Variants in GRB10 observed in about 807,000 individuals in gnomAD.
The protein encoded by GRB10 is growth factor receptor bound protein 10, also known as growth factor receptor-bound protein 10.
A neutral mutation model predicts 80.9 loss-of-function variants in GRB10; 20 were observed. The ratio of observed to expected loss-of-function variants is 0.25; its 90% CI spans 0.17 to 0.36. The LOEUF (loss-of-function observed/expected upper bound fraction) is 0.36. GRB10 is among the 10% of genes least tolerant of loss of function. The pLI, the probability that GRB10 is intolerant of heterozygous loss-of-function variation, is 1.00. For synonymous variants in GRB10, 291 were observed against 291.5 expected (o/e 1.00, Z 0.02); for missense variants, 548 against 747.7 (o/e 0.73, Z 3.12).
At chr7:50,743,506 T>C (rs2072278716) in intron 3 of GRB10, among the ~76,000 whole-genome samples, 1 of 152,208 alleles carries the variant, frequency 6.6e-6, no homozygotes, top group Non-Finnish European at 1.5e-5. Context: ...GTGGGAAGCA[T>C]CAAGTCCCCT....
chr7:50,696,355 C>CAG (rs2153662518), intron 5 of GRB10, among the ~76,000 whole-genome samples: 1 of 152,338 alleles, frequency 6.6e-6, no homozygotes, highest in Admixed American at 6.5e-5. Flanking sequence ...CTGTGCTTTA[C>CAG]AGACGCCTCT....
At chr7:50,791,723 G>A (rs2078923182) in intron 1 of GRB10, among the ~76,000 whole-genome samples, 1 of 152,168 alleles carries the variant, frequency 6.6e-6, no homozygotes, top group Non-Finnish European at 1.5e-5. Context: ...TGTAATCTGG[G>A]GATTGGCCTG....
chr7:50,783,391 G>C (rs1470420176), upstream of GRB10, among the ~76,000 whole-genome samples: 1 of 151,706 alleles, frequency 6.6e-6, no homozygotes, highest in Non-Finnish European at 1.5e-5. Flanking sequence ...CCAAGCATCT[G>C]CTATGTGCTA....
chr7:50,612,743 T>G lies in GRB10; in HGVS notation c.1192A>C (p.Lys398Gln). ...ACAAACCGCAAGATGTCACATACCT[T>G]GAGGAGTCTGAACGCTGTCATCCAG... Reference protein sequence around the residue: ...TCWMTAFRLLKYGMLLYQNYR... With the variant: ...TCWMTAFRLLQYGMLLYQNYR... The change falls in exon 13 of 19, where the codon AAG becomes CAG. Residue 398 changes from lysine (K) to glutamine (Q), a missense_variant and splice_region_variant. Lys to Gln is a moderately conservative substitution (Grantham distance 53, BLOSUM62 1). Transcript: ENST00000401949. 6.2e-7 allele frequency: 1 copy of G among 1,610,508 alleles called. No homozygotes were observed. Among genetic ancestry groups the G allele is most frequent in the Non-Finnish European group, 8.5e-7 (1 of 1,177,106 alleles).
chr7:50,741,952 T>C (rs1328097225), intron 3 of GRB10, among the ~76,000 whole-genome samples: 2 of 152,026 alleles, frequency 1.3e-5, no homozygotes, highest in Non-Finnish European at 2.9e-5. Context: ...CACACAGTAA[T>C]TTTTATGCAC....
At chr7:50,621,209 T>C (rs2051662554) in intron 8 of GRB10, among the ~76,000 whole-genome samples, 1 of 152,134 alleles carries the variant, frequency 6.6e-6, no homozygotes, top group Non-Finnish European at 1.5e-5. Context: ...GGAAAGATCA[T>C]GGGAAAGTTG....
At chr7:50,702,733 G>C (rs1277689565) in intron 5 of GRB10, among the ~76,000 whole-genome samples, 1 of 152,170 alleles carries the variant, frequency 6.6e-6, no homozygotes, top group Non-Finnish European at 1.5e-5. Context: ...CACGTTCTGT[G>C]CTGCAAATGT....
intron 3 of GRB10, among the ~76,000 whole-genome samples, chr7:50,742,472 G>A (rs771039354): frequency 2.0e-5 from 3 of 152,140 alleles, no homozygotes; most frequent in Non-Finnish European, 4.4e-5. Flanking sequence ...TCAAATGATG[G>A]TCCCCGGACA....
Position 50,755,931 on chromosome 7 carries a change from C to T in GRB10, c.-91G>A. On this transcript the variant is annotated 5_prime_UTR_variant, in exon 3 of 19. Transcript: ENST00000401949. ...TAGCACTGTCTGCTGGGGCGGCCAC[C>T]CTGGCTTCACTGAGAGGACCCAGGT... The T allele has an allele frequency of 2.5e-6, 1 of 398,734 alleles. No homozygotes were observed. Among genetic ancestry groups the T allele is most frequent in the Non-Finnish European group, 4.4e-6 (1 of 226,204 alleles). The allele number at this position is 398,734 out of a possible 1,614,324, so 24.7% of individuals were successfully genotyped here. A position where few individuals can be genotyped will look rare whatever the true frequency, so the allele number is the denominator to read the frequency against.
At chr7:50,607,247 CTTTG>C (rs917504546) in intron 13 of GRB10, among the ~76,000 whole-genome samples, 2 of 152,182 alleles carry the variant, frequency 1.3e-5, no homozygotes, top group African/African-American at 4.8e-5. Context: ...TAATCCGCAT[CTTTG>C]TTTGTTTACA....
At chr7:50,630,902 T>C (rs2053873814) in intron 7 of GRB10, among the ~76,000 whole-genome samples, 1 of 152,242 alleles carries the variant, frequency 6.6e-6, no homozygotes, top group Admixed American at 6.5e-5. Context: ...GACTTTCTGT[T>C]GTCACTTTTT....
At chr7:50,778,489 G>A (rs2077935788) in intron 2 of GRB10, among the ~76,000 whole-genome samples, 1 of 152,188 alleles carries the variant, frequency 6.6e-6, no homozygotes, top group Non-Finnish European at 1.5e-5. Flanking sequence ...GAAGAACTTT[G>A]GTGGTAGAAT....
chr7:50,771,464 A>T (rs2076969322), intron 2 of GRB10, among the ~76,000 whole-genome samples: 1 of 152,204 alleles, frequency 6.6e-6, no homozygotes, highest in African/African-American at 2.4e-5. Context: ...GAACAGCGAG[A>T]GTCAGAAGGA....
intron 4 of GRB10, chr7:50,705,223 G>A (rs1299561761): frequency 8.1e-6 from 8 of 985,702 alleles, no homozygotes; most frequent in Middle Eastern, 5.2e-4. Flanking sequence ...TAGCCCAGGG[G>A]ACAGACTCCA....
intron 3 of GRB10, among the ~76,000 whole-genome samples, chr7:50,738,829 A>G (rs576643024): frequency 1.3e-5 from 2 of 152,344 alleles, no homozygotes; most frequent in East Asian, 3.9e-4. Context: ...AAGAAATTGT[A>G]TCAATATCTG....
At chr7:50,707,276 C>G (rs189529808) in intron 4 of GRB10, among the ~76,000 whole-genome samples, 95 of 152,270 alleles carry the variant, frequency 6.2e-4, no homozygotes, top group African/African-American at 1.9e-3. Flanking sequence ...TCCTTCCCCC[C>G]AAAAGTAGTT....
At chr7:50,622,787 T>C (rs1269155086) in intron 8 of GRB10, among the ~76,000 whole-genome samples, 1 of 149,198 alleles carries the variant, frequency 6.7e-6, no homozygotes, top group Non-Finnish European at 1.5e-5. Context: ...ATTCCTTTTA[T>C]CTTTTTTTTT....
intron 7 of GRB10, among the ~76,000 whole-genome samples, chr7:50,668,522 C>T (rs995918514): frequency 6.6e-6 from 1 of 152,152 alleles, no homozygotes; most frequent in East Asian, 1.9e-4. Flanking sequence ...CTTACAGGGG[C>T]CTCCCTTCCC....
chr7:50,677,842 C>A (rs781623800), intron 5 of GRB10, among the ~76,000 whole-genome samples: 1 of 152,170 alleles, frequency 6.6e-6, no homozygotes, highest in Non-Finnish European at 1.5e-5. Context: ...CACGTGCACA[C>A]GTGCGAACAT....
Sources: allele counts gnomAD v4.1 joint callset (sites outside exome capture counted in the v4.1 genomes callset), GRCh38; gene constraint gnomAD v4.1.1; transcripts MANE v1.5; gene names NCBI Gene and HGNC (gene_info 2026-07-23, HGNC 2026-07-21).